The following COPG2 variants were observed in gnomAD, a reference collection of about 807,000 sequenced individuals.
COPG2 encodes coatomer subunit gamma-2.
Under a neutral mutation model 46.3 loss-of-function variants are expected in COPG2, and 37 were observed. That is an observed-to-expected ratio of 0.80 (90% CI 0.61 to 1.05). COPG2 has a LOEUF of 1.05. COPG2 is among the 50% of genes least tolerant of loss of function. The probability of loss-of-function intolerance (pLI) is 0.00; values close to 1 mark genes in which losing one functional copy is unlikely to be tolerated. For synonymous variants in COPG2, 159 were observed against 129.7 expected, an observed-to-expected ratio of 1.23 and a Z score of -1.53; for missense variants, 427 against 387.8, an observed-to-expected ratio of 1.10 and a Z score of -0.85.
At chr7:130,658,980 G>A (rs754557560) in intron 4 of COPG2, among the ~76,000 whole-genome samples, 23 of 152,002 alleles carry the variant, frequency 1.5e-4, no homozygotes, top group Non-Finnish European at 2.9e-4. Context: ...GGGCCCAGCC[G>A]ACAACCTGAT....
intron 9 of COPG2, among the ~76,000 whole-genome samples, chr7:130,571,179 G>A (rs955548773): frequency 6.6e-6 from 1 of 152,166 alleles, no homozygotes; most frequent in East Asian, 1.9e-4. Flanking sequence ...TGCGAGAAAA[G>A]CAAAGATAAA....
intron 16 of COPG2, 113 bp from the exon 17 acceptor site, chr7:130,550,762 C>T (rs1346081234): frequency 1.1e-5 from 4 of 376,610 alleles, no homozygotes; most frequent in African/African-American, 4.2e-5. Context: ...AAAAATATAA[C>T]CAAAAGCTTT....
chr7:130,557,831 A>AAAAAAAC lies in COPG2; in HGVS notation c.1129-2700_1129-2699insGTTTTTT, dbSNP rs1793654376. On this transcript the variant is annotated intron_variant, in intron 12 of 23. Transcript: ENST00000425248. Reference sequence around the variant, plus strand: ...AAACTCCATCTCAAAAAAAAAAAAAAAAAAAAATCATGCAAGAATAGCCAG... The same window carrying AAAAAAAC: ...AAACTCCATCTCAAAAAAAAAAAAAAAAAAAACAAAAAAATCATGCAAGAATAGCCAG... 3.4e-5 allele frequency among the ~76,000 whole-genome samples: 5 copies of AAAAAAAC among 147,990 alleles called. 2 individuals are homozygous for AAAAAAAC. The highest frequency in any genetic ancestry group is 4.9e-5 in the African/African-American group (2 of 40,508).
Position 130,599,681 on chromosome 7 carries a change from T to A in COPG2, c.737+11272A>T, listed in dbSNP as rs1303065193. Among the ~76,000 whole-genome samples the A allele has an allele frequency of 6.6e-5, 10 of 152,178 alleles. 1 individual carries two copies. The highest frequency in any genetic ancestry group is 3.3e-4 in the Admixed American group (5 of 15,274). On this transcript the variant is annotated intron_variant, in intron 9 of 23. Transcript: ENST00000425248. The stretch of plus-strand genomic sequence containing the variant: ...GACACAAAATATAACATGATTCTAT[T>A]GACAGAGCATTCAAAACAAGGCAAA...
chr7:130,569,597 G>C (rs1348387376), intron 9 of COPG2, among the ~76,000 whole-genome samples: 1 of 152,054 alleles, frequency 6.6e-6, no homozygotes, highest in African/African-American at 2.4e-5. Flanking sequence ...TCCAAGACCA[G>C]ATAAACTCAC....
Position 130,589,817 on chromosome 7 carries a change from T to A in COPG2, c.737+21136A>T, listed in dbSNP as rs1794360284. On this transcript the variant is annotated intron_variant, in intron 9 of 23. Coordinates refer to ENST00000425248, the MANE Select transcript of COPG2 (RefSeq NM_012133.6). Reference sequence around the variant, plus strand: ...ATTTTTGTTTATTGGCAGGTGCATTTCCTCATCTGGAGCTGCGCGTTAATC... The same window carrying A: ...ATTTTTGTTTATTGGCAGGTGCATTACCTCATCTGGAGCTGCGCGTTAATC... Among the ~76,000 whole-genome samples, 2 of 152,178 alleles carry A rather than the reference T, an allele frequency of 1.3e-5. 1 individual carries two copies. Among genetic ancestry groups the A allele is most frequent in the South Asian group, 4.1e-4 (2 of 4,830 alleles).
intron 4 of COPG2, among the ~76,000 whole-genome samples, chr7:130,656,420 T>C (rs981598717): frequency 1.3e-5 from 2 of 152,118 alleles, no homozygotes; most frequent in Non-Finnish European, 2.9e-5. Context: ...ATTAAAAGAA[T>C]GGAGGAATAT....
intron 12 of COPG2, among the ~76,000 whole-genome samples, chr7:130,559,968 C>T (rs971108696): frequency 3.3e-5 from 5 of 152,134 alleles, no homozygotes; most frequent in African/African-American, 4.8e-5. Flanking sequence ...TCATCTCTGA[C>T]ATACTCTCAC....
chr7:130,608,579 A>G lies in COPG2; in HGVS notation c.737+2374T>C, dbSNP rs552607750. 1.2e-4 allele frequency among the ~76,000 whole-genome samples: 19 copies of G among 152,346 alleles called. No individual in the cohort carries two copies. In the South Asian group the frequency reaches 1.4e-3, roughly 12 times the overall value. ...TCATTTGGAAGAATACTTTTAGAGT[A>G]TAGAACTCCAGATTTTCAGTTATTT... On this transcript the variant is annotated intron_variant, in intron 9 of 23. Coordinates refer to ENST00000425248, the MANE Select transcript of COPG2 (RefSeq NM_012133.6).
intron 9 of COPG2, among the ~76,000 whole-genome samples, chr7:130,598,983 C>T (rs1794582254): frequency 6.6e-6 from 1 of 152,154 alleles, no homozygotes; most frequent in Admixed American, 6.6e-5. Context: ...AAATGATGGT[C>T]ATGCAAGGAT....
chr7:130,513,359 G>T, intron 20 of COPG2, among the ~76,000 whole-genome samples: 1 of 36,670 alleles, frequency 2.7e-5, no homozygotes, highest in Non-Finnish European at 6.7e-5. Context: ...GTGTGTGTGT[G>T]TATATATATA....
Position 130,536,160 on chromosome 7 carries a change from T to C in COPG2, c.2149+11514A>G, listed in dbSNP as rs961945052. Among the ~76,000 whole-genome samples, 5 of 152,042 alleles carry C rather than the reference T, an allele frequency of 3.3e-5. No individual in the cohort carries two copies. The East Asian group carries it at 9.7e-4, about 29-fold the overall frequency. ...CAACTCTCTCATGCAGACTGGGCTT[T>C]TGGGCACGATGTGTGTTAAGGGGTA... On this transcript the variant is annotated intron_variant, in intron 20 of 23. Transcript: ENST00000425248.
At chr7:130,628,108 G>A (rs1275907299) in intron 5 of COPG2, among the ~76,000 whole-genome samples, 2 of 152,092 alleles carry the variant, frequency 1.3e-5, no homozygotes, top group African/African-American at 2.4e-5. Flanking sequence ...CTGTGGTCTT[G>A]TTAGTTTGTT....
At chr7:130,602,335 T>A (rs1794652059) in intron 9 of COPG2, among the ~76,000 whole-genome samples, 1 of 152,118 alleles carries the variant, frequency 6.6e-6, no homozygotes, top group Admixed American at 6.5e-5. Flanking sequence ...TCAATTTACA[T>A]TCTTTATATA....
At chr7:130,638,072 T>C (rs10243884) in intron 5 of COPG2, among the ~76,000 whole-genome samples, 4,683 of 152,212 alleles carry the variant, frequency 0.031, 244 homozygotes, top group African/African-American at 0.11. Context: ...ACAGCAAAGA[T>C]TGCCGCCTGT....
intron 5 of COPG2, among the ~76,000 whole-genome samples, chr7:130,641,592 T>G (rs919663161): frequency 1.3e-5 from 2 of 152,206 alleles, no homozygotes; most frequent in African/African-American, 4.8e-5. Context: ...GAAAATTAAC[T>G]TTTAAAATTA....
intron 9 of COPG2, among the ~76,000 whole-genome samples, chr7:130,579,156 G>A (rs1554446763): frequency 9.0e-6 from 1 of 111,100 alleles, no homozygotes; most frequent in Non-Finnish European, 1.8e-5. Flanking sequence ...TCTCTCGGCA[G>A]AAACCCTACA....
chr7:130,575,752 A>G (rs1050563520), intron 9 of COPG2, among the ~76,000 whole-genome samples: 3 of 152,226 alleles, frequency 2.0e-5, no homozygotes, highest in Non-Finnish European at 4.4e-5. Flanking sequence ...GAGTGTAAAT[A>G]GCTTAAATGC....
chr7:130,560,878 G>A (rs1389776007), intron 12 of COPG2, among the ~76,000 whole-genome samples, 155 bp downstream of exon 12: 2 of 152,000 alleles, frequency 1.3e-5, no homozygotes, highest in African/African-American at 4.8e-5. Context: ...AGTAGATAAA[G>A]GTTTCTTAGG....
Sources: allele counts gnomAD v4.1 joint callset (sites outside exome capture counted in the v4.1 genomes callset), GRCh38; gene constraint gnomAD v4.1.1; transcripts MANE v1.5; gene names NCBI Gene and HGNC (gene_info 2026-07-23, HGNC 2026-07-21).